PITPNM2: variants seen among roughly 807,000 people sequenced by gnomAD.
PITPNM2 encodes phosphatidylinositol transfer protein membrane associated 2.
A neutral mutation model predicts 132.2 loss-of-function variants in PITPNM2; 35 were observed. The observed-to-expected ratio is 0.26, with a 90% CI of 0.20 to 0.35. PITPNM2 has a LOEUF of 0.35. PITPNM2 is among the 10% of genes least tolerant of loss of function. The pLI, the probability that PITPNM2 is intolerant of heterozygous loss-of-function variation, is 1.00. For missense variants in PITPNM2, 1,332 were observed against 1,912.0 expected (o/e 0.70, Z 5.66); for synonymous variants, 738 against 799.2 (o/e 0.92, Z 1.29).
intron 2 of PITPNM2, among the ~76,000 whole-genome samples, chr12:123,107,244 G>A (rs1427542611): frequency 6.6e-6 from 1 of 152,178 alleles, no homozygotes; most frequent in Non-Finnish European, 1.5e-5. Context: ...CCACTGCCTG[G>A]GCCCAGGACC....
intron 1 of PITPNM2, among the ~76,000 whole-genome samples, chr12:123,128,906 G>A (rs2043204151): frequency 6.6e-6 from 1 of 152,060 alleles, no homozygotes; most frequent in African/African-American, 2.4e-5. Flanking sequence ...GAGGCCAAGA[G>A]GGCGTATCAC....
At chr12:123,122,462 C>CA (rs1373563836) in intron 1 of PITPNM2, among the ~76,000 whole-genome samples, 2 of 151,328 alleles carry the variant, frequency 1.3e-5, no homozygotes, top group African/African-American at 2.4e-5. Flanking sequence ...GCTCCGTCTC[C>CA]AAAAAAAAGA....
At chr12:123,075,374 G>A (rs1199954659) in intron 2 of PITPNM2, among the ~76,000 whole-genome samples, 2 of 152,214 alleles carry the variant, frequency 1.3e-5, no homozygotes, top group Non-Finnish European at 2.9e-5. Context: ...TCTCTGACCC[G>A]CATCAGAGCG....
intron 2 of PITPNM2, among the ~76,000 whole-genome samples, chr12:123,062,071 G>A (rs2041255791): frequency 6.6e-6 from 1 of 152,174 alleles, no homozygotes; most frequent in South Asian, 2.1e-4. Context: ...AAGTAGAGCA[G>A]CCTGGCTTGC....
intron 1 of PITPNM2, among the ~76,000 whole-genome samples, chr12:123,139,915 T>C (rs1265062197): frequency 1.3e-5 from 2 of 152,162 alleles, no homozygotes; most frequent in Non-Finnish European, 1.5e-5. Flanking sequence ...CCAAGTTTTC[T>C]TTCATCCAGA....
chr12:123,147,567 C>T (rs1417013494), intron 1 of PITPNM2, among the ~76,000 whole-genome samples: 1 of 152,106 alleles, frequency 6.6e-6, no homozygotes, highest in Non-Finnish European at 1.5e-5. Flanking sequence ...TACATAAACA[C>T]ACACACAGAA....
chr12:123,110,514 G>C (rs2042814205), intron 1 of PITPNM2, 26 bp from the exon 2 acceptor site: 1 of 152,412 alleles, frequency 6.6e-6, no homozygotes. Flanking sequence ...CAATGGGAGA[G>C]GAGGTGAGAC....
Position 122,995,676 on chromosome 12 carries a change from G to T in PITPNM2, c.1783-16C>A. 6.4e-7 allele frequency: 1 copy of T among 1,571,284 alleles called. No individual in the cohort carries two copies. Among genetic ancestry groups the T allele is most frequent in the Non-Finnish European group, 8.6e-7 (1 of 1,161,914 alleles). On this transcript the variant is annotated splice_polypyrimidine_tract_variant and intron_variant, in intron 13 of 25. Coordinates refer to ENST00000320201, the MANE Select transcript of PITPNM2 (RefSeq NM_020845.3). ...GGTCATTGTCCTGGAACGGCCCCGT[G>T]GAGGCTCACTGCCAGGTGGCCGCTG...
intron 3 of PITPNM2, among the ~76,000 whole-genome samples, chr12:123,025,702 G>A (rs141922736): frequency 5.5e-4 from 83 of 152,206 alleles, no homozygotes; most frequent in African/African-American, 1.9e-3. Flanking sequence ...AAAGTGCTGG[G>A]ATTACAGGTG....
chr12:123,032,348 G>C (rs888364994), intron 3 of PITPNM2, among the ~76,000 whole-genome samples: 1 of 152,108 alleles, frequency 6.6e-6, no homozygotes, highest in Non-Finnish European at 1.5e-5. Context: ...GTGGTGGCGC[G>C]TGCCTGTAAT....
intron 3 of PITPNM2, among the ~76,000 whole-genome samples, chr12:123,029,634 G>A (rs1034838948): frequency 1.2e-5 from 1 of 85,668 alleles, no homozygotes; most frequent in Non-Finnish European, 2.5e-5. Flanking sequence ...CTTGGGTCTT[G>A]TGGTGTATGT....
At chr12:123,098,085 C>G (rs1027892236) in intron 2 of PITPNM2, among the ~76,000 whole-genome samples, 2 of 152,216 alleles carry the variant, frequency 1.3e-5, no homozygotes, top group African/African-American at 2.4e-5. Flanking sequence ...CACAGCCTCA[C>G]AGAAAGCAGG....
chr12:123,107,432 G>A (rs1652283821), intron 2 of PITPNM2, among the ~76,000 whole-genome samples: 1 of 152,172 alleles, frequency 6.6e-6, no homozygotes, highest in African/African-American at 2.4e-5. Context: ...CAGGCAGTAG[G>A]AGACACAACC....
At chr12:123,132,569 G>A (rs1323613776) in intron 1 of PITPNM2, among the ~76,000 whole-genome samples, 2 of 149,852 alleles carry the variant, frequency 1.3e-5, no homozygotes, top group African/African-American at 5.0e-5. Flanking sequence ...AAAATTTAGT[G>A]GCATCAAGGA....
intron 1 of PITPNM2, among the ~76,000 whole-genome samples, chr12:123,129,783 T>G (rs2043223148): frequency 6.6e-6 from 1 of 152,030 alleles, no homozygotes; most frequent in Admixed American, 6.6e-5. Flanking sequence ...GAAAAATGCA[T>G]AGAGTTCTTG....
At chr12:123,069,587 G>A (rs1041418301) in intron 2 of PITPNM2, among the ~76,000 whole-genome samples, 4 of 152,018 alleles carry the variant, frequency 2.6e-5, no homozygotes, top group East Asian at 3.9e-4. Flanking sequence ...AAGCTTCCTC[G>A]CCTTCCAGGC....
chr12:123,049,950 A>G (rs1413846672), intron 2 of PITPNM2, among the ~76,000 whole-genome samples: 1 of 152,260 alleles, frequency 6.6e-6, no homozygotes, highest in Admixed American at 6.5e-5. Flanking sequence ...CCAAGCAGCC[A>G]AAGTGCTAAT....
At position 123,082,165 on chromosome 12, in the gene PITPNM2, C is replaced by T. The variant is rs1342146620; in HGVS notation, c.-96+28220G>A. Among the ~76,000 whole-genome samples, 2 of 152,206 alleles carry T rather than the reference C, an allele frequency of 1.3e-5. No individual in the cohort carries two copies. The highest frequency in any genetic ancestry group is 2.9e-5 in the Non-Finnish European group (2 of 68,038). ...GTGAGGGCCTGCAGGCTCTGCCCTG[C>T]CACCTCTCCGCCCTGGCAAGGCCGT... On this transcript the variant is annotated intron_variant, in intron 2 of 25. Coordinates refer to ENST00000320201, the MANE Select transcript of PITPNM2 (RefSeq NM_020845.3). This position sits in a 1 kb window ranked among gnomAD's most constrained non-coding sequence, Gnocchi z 5.4.
Position 123,150,344 on chromosome 12 carries a change from G to A in PITPNM2, c.-200+409C>T, listed in dbSNP as rs112681709. ...GCTGGAGGCGGGAAGCAGAGAAGGC[G>A]GGCCGGGGGCTCACCTCCGCTTCCT... On this transcript the variant is annotated intron_variant, in intron 1 of 25. Coordinates refer to ENST00000320201, the MANE Select transcript of PITPNM2 (RefSeq NM_020845.3). The surrounding 1 kb of genome is among the most constrained non-coding windows in gnomAD (Gnocchi z 6.0). Among the ~76,000 whole-genome samples the A allele has an allele frequency of 0.02, 3,104 of 152,162 alleles. 39 individuals are homozygous for A. Among genetic ancestry groups the A allele is most frequent in the Non-Finnish European group, 0.032 (2,147 of 67,966 alleles).
Sources: gnomAD v4.1 joint callset for allele counts (sites outside exome capture counted in the v4.1 genomes callset) on GRCh38, gnomAD v4.1.1 for gene constraint, Gnocchi (gnomAD v3.1) non-coding constraint, MANE v1.5 for transcripts, NCBI Gene and HGNC (gene_info 2026-07-23, HGNC 2026-07-21) for gene names.